Variants in NINL observed in about 807,000 individuals in gnomAD.
NINL encodes the protein ninein like, also known as ninein-like protein.
NINL carries 153 observed loss-of-function variants against 160.3 expected under a neutral mutation model. The observed-to-expected ratio is 0.95, with a 90% CI of 0.84 to 1.09. The LOEUF (loss-of-function observed/expected upper bound fraction) is 1.09, where lower values mean the gene tolerates loss of function less well. NINL is among the 50% of genes least tolerant of loss of function. NINL has a pLI of 0.00. For synonymous variants in NINL, 800 were observed against 734.8 expected (o/e 1.09, Z -1.43); for missense variants, 1,829 against 1,764.0 (o/e 1.04, Z -0.66).
At chr20:25,495,813 T>C (rs1169399127) in intron 10 of NINL, among the ~76,000 whole-genome samples, 1 of 152,196 alleles carries the variant, frequency 6.6e-6, no homozygotes, top group Non-Finnish European at 1.5e-5. Flanking sequence ...ATGTTCTGTT[T>C]GTGAACCAGT....
chr20:25,475,979 C>T, intron 17 of NINL, 64 bp downstream of exon 17: 1 of 1,509,752 alleles, frequency 6.6e-7, no homozygotes, highest in Non-Finnish European at 9.0e-7. Flanking sequence ...CAACAGGGGT[C>T]AGTGGGTTAG....
intron 1 of NINL, among the ~76,000 whole-genome samples, chr20:25,539,653 C>T (rs535613244): frequency 2.0e-5 from 3 of 152,194 alleles, no homozygotes; most frequent in Non-Finnish European, 2.9e-5. Context: ...AGCTGCAAAT[C>T]GGCCTTCCCC....
chr20:25,475,013 C>G (rs1051703960), intron 17 of NINL, among the ~76,000 whole-genome samples: 1 of 152,028 alleles, frequency 6.6e-6, no homozygotes, highest in Non-Finnish European at 1.5e-5. Flanking sequence ...GAACTCCTGA[C>G]CTCAGGTGAT....
Position 25,461,655 on chromosome 20 carries a change from T to C in NINL, c.3583-20A>G. 6.7e-7 allele frequency: 1 copy of C among 1,490,022 alleles called. No individual in the cohort carries two copies. Among genetic ancestry groups the C allele is most frequent in the East Asian group, 2.3e-5 (1 of 44,280 alleles). 92.3% of individuals were successfully genotyped at this position (1,490,022 alleles called of 1,614,324 possible). On this transcript the variant is annotated intron_variant, in intron 20 of 23. Coordinates refer to ENST00000278886, the MANE Select transcript of NINL (RefSeq NM_025176.6). ...GTCACTCTGTTTTTAAAAAATCAAT[T>C]GCACAAGTCAAGAAGTATCTGAAGA...
Position 25,534,356 on chromosome 20 carries a change from G to A in NINL, c.-11-7758C>T, listed in dbSNP as rs547364372. 5.9e-5 allele frequency among the ~76,000 whole-genome samples: 9 copies of A among 152,188 alleles called. No individual in the cohort carries two copies. In the East Asian group the frequency reaches 1.2e-3, roughly 20 times the overall value. Reference sequence around the variant, plus strand: ...GCACTGCCAGCCCCAGACAGTTGCCGCTCACTTGTGACAATAACCAAAAGA... The same window carrying A: ...GCACTGCCAGCCCCAGACAGTTGCCACTCACTTGTGACAATAACCAAAAGA... On this transcript the variant is annotated intron_variant, in intron 1 of 23. Transcript: ENST00000278886.
In NINL at chr20:25,455,735, C is replaced by T; in HGVS notation, c.3895G>A (p.Glu1299Lys). 1.9e-6 allele frequency: 3 copies of T among 1,614,228 alleles called. No individual in the cohort carries two copies. Among genetic ancestry groups the T allele is most frequent in the Non-Finnish European group, 2.5e-6 (3 of 1,180,026 alleles). Residue 1299 changes from glutamate to lysine, a missense_variant, in exon 23 of 24, where the codon GAG becomes AAG. Transcript: ENST00000278886. ...KATEERVEEAEMILKNMEMLL... is the reference protein window; with the variant it reads ...KATEERVEEAKMILKNMEMLL... ...ATTTCCATATTCTTCAGAATCATCT[C>T]CGCCTCTTCCACCCGCTCTTCTGTG...
rs777348564 is a variant in NINL at position 25,477,038 on chromosome 20, C to T, written c.2253G>A (p.Leu751=). ...LSGELSGLGA[L]PARRDLTLEL... is the part of the protein sequence containing the mutation. Reference sequence around the variant, plus strand: ...CCAAGGTCAGGTCTCTGCGAGCGGGCAGGGCTCCCAGCCCCGACAGCTCTC... The same window carrying T: ...CCAAGGTCAGGTCTCTGCGAGCGGGTAGGGCTCCCAGCCCCGACAGCTCTC... The change falls in exon 17 of 24, where the codon CTG becomes CTA. Residue 751 remains leucine (L), a synonymous_variant. Coordinates refer to ENST00000278886, the MANE Select transcript of NINL (RefSeq NM_025176.6). 3 of 1,598,940 alleles carry T rather than the reference C, an allele frequency of 1.9e-6. No individual in the cohort carries two copies. Among genetic ancestry groups the T allele is most frequent in the South Asian group, 1.1e-5 (1 of 90,910 alleles).
Position 25,491,410 on chromosome 20 carries a change from C to T in NINL, c.1426G>A (p.Val476Met), listed in dbSNP as rs202077582. 4.2e-5 allele frequency: 68 copies of T among 1,613,136 alleles called. 2 individuals carry two copies. In the East Asian group the frequency reaches 9.6e-4, roughly 23 times the overall value. ...HRQRAALEWD[V>M]GRLQAEEAGL... ...GCCTCCTCAGCCTGCAGGCGCCCCA[C>T]GTCCCACTCCAGCGCGGCCCTCTGC... Residue 476 changes from valine (V) to methionine (M), a missense_variant, in exon 11 of 24, where the codon GTG (valine) becomes ATG (methionine). Val to Met is a conservative substitution (Grantham distance 21, BLOSUM62 1). Coordinates refer to ENST00000278886, the MANE Select transcript of NINL (RefSeq NM_025176.6).
rs1484715065 is a variant in NINL at position 25,513,515 on chromosome 20, ACAGCAGG to A, written c.278-516_278-510del. ...GAGCCTTATTAACAATCATCCCAAGACAGCAGGCACCATCAAGGACTGGCCTAGCACA... is the reference window on the plus strand; with the variant it reads ...GAGCCTTATTAACAATCATCCCAAGACACCATCAAGGACTGGCCTAGCACA... On this transcript the variant is annotated intron_variant, in intron 3 of 23. Coordinates refer to ENST00000278886, the MANE Select transcript of NINL (RefSeq NM_025176.6). Among the ~76,000 whole-genome samples, 4 of 152,194 alleles carry A rather than the reference ACAGCAGG, an allele frequency of 2.6e-5. No homozygotes were observed. The East Asian group carries it at 7.7e-4, about 29-fold the overall frequency.
intron 23 of NINL, among the ~76,000 whole-genome samples, chr20:25,455,341 G>A (rs1199074553): frequency 1.3e-5 from 2 of 152,192 alleles, no homozygotes; most frequent in East Asian, 1.9e-4. Context: ...GTCTCCAGAG[G>A]GTCAGGTCTG....
intron 1 of NINL, among the ~76,000 whole-genome samples, chr20:25,533,596 T>C (rs2064505243): frequency 6.6e-6 from 1 of 152,104 alleles, no homozygotes; most frequent in South Asian, 2.1e-4. Context: ...CATAGACCCA[T>C]GGAACAGAAT....
intron 2 of NINL, among the ~76,000 whole-genome samples, chr20:25,526,139 A>G (rs528302864): frequency 4.6e-5 from 7 of 152,320 alleles, no homozygotes; most frequent in African/African-American, 7.2e-5. Context: ...CTCCTTCCCC[A>G]TTCTGCCCCT....
chr20:25,494,119 C>A (rs1432809406), intron 10 of NINL, among the ~76,000 whole-genome samples: 5 of 149,470 alleles, frequency 3.3e-5, no homozygotes, highest in African/African-American at 4.9e-5. Flanking sequence ...CACACAGTAC[C>A]CCCACTACAC....
intron 3 of NINL, among the ~76,000 whole-genome samples, chr20:25,513,279 T>G (rs1192705252): frequency 6.6e-6 from 1 of 152,248 alleles, no homozygotes; most frequent in African/African-American, 2.4e-5. Flanking sequence ...CAAGCATATT[T>G]TGCTTTTATG....
At chr20:25,581,233 C>A (rs560959226) in intron 1 of NINL, among the ~76,000 whole-genome samples, 1 of 152,300 alleles carries the variant, frequency 6.6e-6, no homozygotes, top group South Asian at 2.1e-4. Flanking sequence ...CATTTGAGGT[C>A]AGGAGTTTGA....
chr20:25,556,058 AT>A (rs2064862754), intron 1 of NINL, among the ~76,000 whole-genome samples: 1 of 152,008 alleles, frequency 6.6e-6, no homozygotes. Context: ...AGGCAGGAGG[AT>A]TGCTTGAGCC....
At chr20:25,572,396 AC>A (rs2065064486) in intron 1 of NINL, among the ~76,000 whole-genome samples, 1 of 151,866 alleles carries the variant, frequency 6.6e-6, no homozygotes, top group Admixed American at 6.6e-5. Flanking sequence ...TCTACCACTG[AC>A]CCCTCACTAC....
chr20:25,477,218 G>A (rs1297846103), intron 16 of NINL, 129 bp from the exon 17 acceptor site: 61 of 843,122 alleles, frequency 7.2e-5, no homozygotes, highest in East Asian at 1.3e-4. Flanking sequence ...ATCCCTCCTC[G>A]CCTCCCTCAG....
intron 1 of NINL, among the ~76,000 whole-genome samples, chr20:25,535,028 C>G (rs2064531883): frequency 6.6e-6 from 1 of 152,164 alleles, no homozygotes; most frequent in Non-Finnish European, 1.5e-5. Flanking sequence ...AGATGTAGAA[C>G]CCACTGACAC....
Sources: allele counts gnomAD v4.1 joint callset (sites outside exome capture counted in the v4.1 genomes callset), GRCh38; gene constraint gnomAD v4.1.1; transcripts MANE v1.5; gene names NCBI Gene and HGNC (gene_info 2026-07-23, HGNC 2026-07-21).